LOXL4: variants seen among roughly 807,000 people sequenced by gnomAD.
LOXL4 encodes lysyl oxidase homolog 4.
LOXL4 carries 72 observed loss-of-function variants against 89.1 expected under a neutral mutation model. The observed-to-expected ratio is 0.81, with a 90% CI of 0.67 to 0.98. The LOEUF is 0.98. Ranked by LOEUF, LOXL4 falls within the 50% of genes least tolerant of loss-of-function variation. LOXL4 has a pLI of 0.00. For missense variants in LOXL4, 984 were observed against 1,017.5 expected (o/e 0.97, Z 0.45); for synonymous variants, 355 against 392.1 (o/e 0.91, Z 1.12).
chr10:98,251,692 C>A lies in LOXL4; in HGVS notation c.1962G>T (p.Arg654=). Residue 654 remains arginine (R), a synonymous_variant, in exon 13 of 15, where the codon CGG becomes CGT. Coordinates refer to ENST00000260702, the MANE Select transcript of LOXL4 (RefSeq NM_032211.7). The part of the protein sequence containing the change: ...EDTNCPTGLQ[R]RYACANFGEQ... ...CTCCAAAGTTGGCACATGCGTAGCGCCGCTGCAGTCCTGTAAGGAAGGGGA... is the reference window on the plus strand; with the variant it reads ...CTCCAAAGTTGGCACATGCGTAGCGACGCTGCAGTCCTGTAAGGAAGGGGA... 6.2e-7 allele frequency: 1 copy of A among 1,614,184 alleles called. No individual in the cohort carries two copies. Among genetic ancestry groups the A allele is most frequent in the Non-Finnish European group, 8.5e-7 (1 of 1,180,024 alleles).
intron 9 of LOXL4, 67 bp downstream of exon 9, chr10:98,256,713 C>A: frequency 6.3e-7 from 1 of 1,589,148 alleles, no homozygotes; most frequent in South Asian, 1.1e-5. Context: ...AGCTTTAGCA[C>A]AGGAAGTTTT....
intron 1 of LOXL4, among the ~76,000 whole-genome samples, chr10:98,267,152 A>C (rs946654815): frequency 1.3e-5 from 2 of 152,210 alleles, no homozygotes; most frequent in East Asian, 1.9e-4. Context: ...CCAGGATTCA[A>C]ACCCAAGCAG....
rs1858562471 is a variant in LOXL4, at chr10:98,262,197, G to A, written c.294C>T (p.Asp98=). The A allele has an allele frequency of 6.2e-7, 1 of 1,613,550 alleles. No homozygotes were observed. The highest frequency in any genetic ancestry group is 1.7e-5 in the Admixed American group (1 of 59,994). The change falls in exon 3 of 15, where the codon GAC becomes GAT. Residue 98 remains aspartate (D), a synonymous_variant. Transcript: ENST00000260702. ...TCTCTGTGCCCACACAGCGCACATTGTCCAGCCAGATGGGTCCTGTGGAGT... is the reference window on the plus strand; with the variant it reads ...TCTCTGTGCCCACACAGCGCACATTATCCAGCCAGATGGGTCCTGTGGAGT... ...YGQGEGPIWL[D]NVRCVGTESS...
At chr10:98,255,965 C>T (rs371808776) in intron 9 of LOXL4, 185 of 488,030 alleles carry the variant, frequency 3.8e-4, no homozygotes, top group South Asian at 6.8e-4. Flanking sequence ...ATCCACCCAC[C>T]GTGGCTTCCA....
chr10:98,260,638 G>T (rs1858509341), intron 4 of LOXL4, among the ~76,000 whole-genome samples: 1 of 152,008 alleles, frequency 6.6e-6, no homozygotes, highest in South Asian at 2.1e-4. Flanking sequence ...AGAAATCTGG[G>T]CACATTCCTC....
At position 98,256,921 on chromosome 10, in the gene LOXL4, AG is replaced by A; in HGVS notation, c.1286del (p.Pro429LeufsTer12). 6.2e-7 allele frequency: 1 copy of A among 1,614,118 alleles called. No individual in the cohort carries two copies. The highest frequency in any genetic ancestry group is 8.5e-7 in the Non-Finnish European group (1 of 1,180,008). The part of the protein sequence containing the change: ...NQVRLAGGRI[P>X]EEGLLEVQVE... ...CCTGCACCTCCAATAGCCCCTCCTCAGGGATACGCCCACCAGCCAAGCGCAC... is the reference window on the plus strand; with the variant it reads ...CCTGCACCTCCAATAGCCCCTCCTCAGGATACGCCCACCAGCCAAGCGCAC... On this transcript the variant is annotated frameshift_variant, in exon 9 of 15. Transcript: ENST00000260702. LOFTEE classifies it high-confidence loss of function.
rs1003396217 is a variant in LOXL4 at position 98,261,025 on chromosome 10, A to G, written c.559T>C (p.Trp187Arg). 1 of 1,614,054 alleles carries G rather than the reference A, an allele frequency of 6.2e-7. No homozygotes were observed. Among genetic ancestry groups the G allele is most frequent in the Non-Finnish European group, 8.5e-7 (1 of 1,180,026 alleles). ...CAGCCCTGGTCACACACCTGCCGCC[A>G]GTGGCCCTCATACTTCACCTCCACG... is the stretch of plus-strand genomic sequence containing the variant. The part of the protein sequence containing the change: ...GAVEVKYEGH[W>R]RQVCDQGWTM... Residue 187 changes from tryptophan to arginine, a missense_variant, in exon 4 of 15, where the codon TGG becomes CGG. By Grantham distance (101) the Trp-to-Arg change is moderately radical. Coordinates refer to ENST00000260702, the MANE Select transcript of LOXL4 (RefSeq NM_032211.7).
chr10:98,266,175 C>T (rs1280092517), intron 1 of LOXL4, among the ~76,000 whole-genome samples: 1 of 152,188 alleles, frequency 6.6e-6, no homozygotes, highest in African/African-American at 2.4e-5. Flanking sequence ...AGATCGGCCT[C>T]AGGTCCCTCA....
intron 1 of LOXL4, among the ~76,000 whole-genome samples, chr10:98,263,351 G>A (rs1226944183): frequency 6.6e-6 from 1 of 152,182 alleles, no homozygotes; most frequent in African/African-American, 2.4e-5. Flanking sequence ...GTTGTTGAGT[G>A]TTAAATAAAA....
chr10:98,253,826 C>A (rs751754309), intron 10 of LOXL4, 30 bp from the exon 11 acceptor site: 2 of 1,612,110 alleles, frequency 1.2e-6, no homozygotes, highest in South Asian at 2.2e-5. Flanking sequence ...GGCAGTGACT[C>A]AAAGGGTGGA....
At chr10:98,266,294 G>A (rs1399278458) in intron 1 of LOXL4, among the ~76,000 whole-genome samples, 1 of 152,166 alleles carries the variant, frequency 6.6e-6, no homozygotes, top group African/African-American at 2.4e-5. Context: ...ATTGTGTCTG[G>A]AGTCAAATAT....
At chr10:98,266,278 C>T (rs1030255028) in intron 1 of LOXL4, among the ~76,000 whole-genome samples, 38 of 152,184 alleles carry the variant, frequency 2.5e-4, no homozygotes, top group Non-Finnish European at 1.0e-4. Context: ...CTATCTCTGC[C>T]GCCAAATTGT....
chr10:98,251,506 G>A, intron 13 of LOXL4, 60 bp downstream of exon 13: 2 of 1,593,968 alleles, frequency 1.3e-6, no homozygotes, highest in Non-Finnish European at 8.6e-7. Context: ...TGCCCTCAGG[G>A]AAAGTTGTGG....
chr10:98,251,671 A>G lies in LOXL4; in HGVS notation c.1983T>C (p.Phe661=). The part of the protein sequence containing the change: ...GLQRRYACAN[F]GEQGVTVGCW... ...AGCCTACAGTCACTCCCTGTTCTCC[A>G]AAGTTGGCACATGCGTAGCGCCGCT... The change falls in exon 13 of 15, where the codon TTT becomes TTC. Residue 661 remains phenylalanine, a synonymous_variant. Coordinates refer to ENST00000260702, the MANE Select transcript of LOXL4 (RefSeq NM_032211.7). 6.2e-7 allele frequency: 1 copy of G among 1,614,214 alleles called. No individual in the cohort carries two copies. The highest frequency in any genetic ancestry group is 8.5e-7 in the Non-Finnish European group (1 of 1,180,030).
intron 5 of LOXL4, 35 bp from the exon 6 acceptor site, chr10:98,259,263 G>A: frequency 2.5e-6 from 4 of 1,594,286 alleles, no homozygotes; most frequent in Non-Finnish European, 3.4e-6. Flanking sequence ...TGGAGGAAGG[G>A]CTGAGGGAAG....
chr10:98,257,927 A>G (rs1048308665), intron 7 of LOXL4, 54 bp downstream of exon 7: 19 of 1,597,038 alleles, frequency 1.2e-5, no homozygotes, highest in Non-Finnish European at 1.6e-5. Flanking sequence ...CCTTCAAGAC[A>G]TGGACCAGTG....
intron 9 of LOXL4, chr10:98,256,362 A>G (rs767534447): frequency 1.2e-4 from 27 of 222,722 alleles, no homozygotes; most frequent in African/African-American, 1.6e-4. Flanking sequence ...GAAATCTTTC[A>G]AACATGTGGA....
At position 98,248,723 on chromosome 10, in the gene LOXL4, G is replaced by T; in HGVS notation, c.*198C>A. 1.7e-6 allele frequency: 1 copy of T among 577,136 alleles called. No individual in the cohort carries two copies. Among genetic ancestry groups the T allele is most frequent in the Non-Finnish European group, 3.1e-6 (1 of 321,494 alleles). 35.8% of individuals were successfully genotyped at this position (577,136 alleles called of 1,614,324 possible). Reference sequence around the variant, plus strand: ...TATTCCATAGGCCACAGGCCCTTAGGGGCAGGCCCAGAGCCATCCTGAGGG... The same window carrying T: ...TATTCCATAGGCCACAGGCCCTTAGTGGCAGGCCCAGAGCCATCCTGAGGG... On this transcript the variant is annotated 3_prime_UTR_variant, in exon 15 of 15. Coordinates refer to ENST00000260702, the MANE Select transcript of LOXL4 (RefSeq NM_032211.7).
intron 8 of LOXL4, 152 bp from the exon 9 acceptor site, chr10:98,257,099 G>A: frequency 1.1e-6 from 1 of 942,948 alleles, no homozygotes; most frequent in African/African-American, 1.7e-5. Context: ...TGTAAGGTGA[G>A]GACAGTGTAG....
Sources: gnomAD v4.1 joint callset for allele counts (sites outside exome capture counted in the v4.1 genomes callset) on GRCh38, gnomAD v4.1.1 for gene constraint, MANE v1.5 for transcripts, NCBI Gene and HGNC (gene_info 2026-07-23, HGNC 2026-07-21) for gene names.